The following SEMA5A variants were observed in gnomAD, a reference collection of about 807,000 sequenced individuals.
SEMA5A encodes semaphorin 5A, also known as semaphorin-5A.
SEMA5A carries 55 observed loss-of-function variants against 135.5 expected under a neutral mutation model. That is an observed-to-expected ratio of 0.41 (90% CI 0.33 to 0.51). The LOEUF is 0.51. SEMA5A is among the 20% of genes least tolerant of loss of function. The pLI is 0.37. For missense variants in SEMA5A, 1,290 were observed against 1,419.9 expected, an observed-to-expected ratio of 0.91 and a Z score of 1.47; for synonymous variants, 580 against 546.5, an observed-to-expected ratio of 1.06 and a Z score of -0.85.
intron 2 of SEMA5A, among the ~76,000 whole-genome samples, chr5:9,422,667 G>C (rs1007542165): frequency 6.6e-6 from 1 of 151,992 alleles, no homozygotes; most frequent in African/African-American, 2.4e-5. Flanking sequence ...AAAGTCACAG[G>C]CTTTTTTGTT....
At chr5:9,211,560 C>G (rs1161553926) in intron 8 of SEMA5A, among the ~76,000 whole-genome samples, 1 of 152,126 alleles carries the variant, frequency 6.6e-6, no homozygotes, top group Non-Finnish European at 1.5e-5. Context: ...TGGAGCCCAA[C>G]AAAGTCACGC....
intron 4 of SEMA5A, among the ~76,000 whole-genome samples, chr5:9,330,941 A>G (rs914817463): frequency 1.3e-5 from 2 of 152,192 alleles, no homozygotes; most frequent in Non-Finnish European, 2.9e-5. Flanking sequence ...TTAAGTCATA[A>G]TTAATGTAAA....
At chr5:9,054,490 T>C (rs1297149330) in intron 18 of SEMA5A, among the ~76,000 whole-genome samples, 1 of 152,200 alleles carries the variant, frequency 6.6e-6, no homozygotes, top group Non-Finnish European at 1.5e-5. Context: ...GATTCCTCCC[T>C]ACACTTTTTC....
chr5:9,035,174 T>C lies in SEMA5A; in HGVS notation c.*7723A>G, dbSNP rs1735580735. Reference sequence around the variant, plus strand: ...TCCCTTGTTTTGTTCCCCCCACAAATGGCAGCTAGAGATGGTAAGAAGGGG... The same window carrying C: ...TCCCTTGTTTTGTTCCCCCCACAAACGGCAGCTAGAGATGGTAAGAAGGGG... On this transcript the variant is annotated 3_prime_UTR_variant, in exon 23 of 23. Transcript: ENST00000382496. The C allele has an allele frequency of 6.6e-6, 1 of 152,368 alleles. No homozygotes were observed. The highest frequency in any genetic ancestry group is 2.4e-5 in the African/African-American group (1 of 41,446). The allele number at this position is 152,368 out of a possible 1,614,324, so 9.4% of individuals were successfully genotyped here. A position where few individuals can be genotyped will look rare whatever the true frequency, so the allele number is the denominator to read the frequency against.
At chr5:9,228,937 G>A (rs1009924333) in intron 6 of SEMA5A, among the ~76,000 whole-genome samples, 7 of 152,124 alleles carry the variant, frequency 4.6e-5, no homozygotes, top group East Asian at 1.9e-4. Context: ...TCGAGACAGC[G>A]GAAATGCATA....
At chr5:9,207,812 A>G (rs1746113192) in intron 8 of SEMA5A, among the ~76,000 whole-genome samples, 1 of 152,192 alleles carries the variant, frequency 6.6e-6, no homozygotes, top group African/African-American at 2.4e-5. Context: ...CTGGTAGGCT[A>G]AAGTTCTTTT....
At chr5:9,106,385 C>T (rs1047124303) in intron 16 of SEMA5A, among the ~76,000 whole-genome samples, 1 of 152,134 alleles carries the variant, frequency 6.6e-6, no homozygotes, top group African/African-American at 2.4e-5. Flanking sequence ...ATAGGAACTA[C>T]ATAAAAATGC....
At chr5:9,275,997 A>G (rs1750241753) in intron 5 of SEMA5A, among the ~76,000 whole-genome samples, 3 of 152,226 alleles carry the variant, frequency 2.0e-5, no homozygotes, top group Admixed American at 1.3e-4. Context: ...AGGTTATTCA[A>G]TTAGGAAAAC....
Position 9,154,516 on chromosome 5 carries a change from T to C in SEMA5A, c.1453A>G (p.Lys485Glu). ...LREHVVKIPLKRCQFYRTRST... is the reference protein window; with the variant it reads ...LREHVVKIPLERCQFYRTRST... ...CGTGTGCGGTAGAACTGGCACCTCTTCAGGGGGATCTTGACCACGTGCTCC... is the reference window on the plus strand; with the variant it reads ...CGTGTGCGGTAGAACTGGCACCTCTCCAGGGGGATCTTGACCACGTGCTCC... Residue 485 changes from lysine (K) to glutamate (E), a missense_variant, in exon 12 of 23, where the codon AAG becomes GAG. By Grantham distance (56) the Lys-to-Glu change is moderately conservative. Transcript: ENST00000382496. 1.9e-6 allele frequency: 3 copies of C among 1,612,162 alleles called. No individual in the cohort carries two copies. Among genetic ancestry groups the C allele is most frequent in the Non-Finnish European group, 2.5e-6 (3 of 1,179,968 alleles).
At chr5:9,482,861 G>A (rs535358279) in intron 1 of SEMA5A, among the ~76,000 whole-genome samples, 1 of 152,308 alleles carries the variant, frequency 6.6e-6, no homozygotes, top group Non-Finnish European at 1.5e-5. Flanking sequence ...GACACAGCTG[G>A]ACTTTCCTGA....
intron 1 of SEMA5A, among the ~76,000 whole-genome samples, chr5:9,443,767 T>C (rs953082769): frequency 1.3e-5 from 2 of 152,264 alleles, no homozygotes; most frequent in African/African-American, 4.8e-5. Context: ...GGAGGGCCAG[T>C]TCCTGGCCAT....
chr5:9,049,973 TTATAAA>T (rs1429361993), intron 21 of SEMA5A, among the ~76,000 whole-genome samples: 2 of 152,202 alleles, frequency 1.3e-5, no homozygotes, highest in Non-Finnish European at 2.9e-5. Context: ...TGGATTTGTA[TTATAAA>T]TATAAACAAA....
In SEMA5A at chr5:9,057,057, A is replaced by C. The variant is rs1736931156; in HGVS notation, c.2519-2800T>G. ...ACAAATAATACATTATTCCACTTAG[A>C]TCAGGTATCTAAAATAGTCAAACTC... On this transcript the variant is annotated intron_variant, in intron 18 of 22. Coordinates refer to ENST00000382496, the MANE Select transcript of SEMA5A (RefSeq NM_003966.3). 3.9e-5 allele frequency among the ~76,000 whole-genome samples: 6 copies of C among 152,368 alleles called. No homozygotes were observed. The South Asian group carries it at 1.0e-3, about 26-fold the overall frequency.
intron 5 of SEMA5A, among the ~76,000 whole-genome samples, chr5:9,258,803 C>CTATTTTTTTTTTTTTTTTTTTTTTTTTT (rs1561080210): frequency 2.0e-5 from 1 of 48,984 alleles, no homozygotes; most frequent in African/African-American, 8.4e-5. Flanking sequence ...TTCTTTCTTT[C>CTATTTTTTTTTTTTTTTTTTTTTTTTTT]TTTTTTTTTT....
At chr5:9,253,629 C>G (rs1171272802) in intron 5 of SEMA5A, among the ~76,000 whole-genome samples, 1 of 152,116 alleles carries the variant, frequency 6.6e-6, no homozygotes, top group Non-Finnish European at 1.5e-5. Flanking sequence ...TATGTTCCTA[C>G]TAATACACTA....
At chr5:9,119,270 C>T (rs770445609) in intron 14 of SEMA5A, 129 bp from the exon 15 acceptor site, 1 of 1,114,520 alleles carries the variant, frequency 9.0e-7, no homozygotes, top group Non-Finnish European at 1.3e-6. Flanking sequence ...AGAGAAAACA[C>T]CAGCCAGGGG....
At chr5:9,131,154 A>C (rs1357447591) in intron 13 of SEMA5A, among the ~76,000 whole-genome samples, 1 of 152,202 alleles carries the variant, frequency 6.6e-6, no homozygotes, top group Non-Finnish European at 1.5e-5. Flanking sequence ...TTTACCAAGA[A>C]AAGAGGTTTA....
At chr5:9,215,280 C>T (rs377423010) in intron 8 of SEMA5A, among the ~76,000 whole-genome samples, 34 of 152,234 alleles carry the variant, frequency 2.2e-4, no homozygotes, top group African/African-American at 7.7e-4. Context: ...GAAAGTAAGG[C>T]GTTGTGACTT....
intron 5 of SEMA5A, among the ~76,000 whole-genome samples, chr5:9,267,768 G>T (rs1415498840): frequency 6.6e-6 from 1 of 152,106 alleles, no homozygotes; most frequent in Non-Finnish European, 1.5e-5. Context: ...TCTGGCCGGG[G>T]TGGGCATGGG....
Sources: allele counts gnomAD v4.1 joint callset (sites outside exome capture counted in the v4.1 genomes callset), GRCh38; gene constraint gnomAD v4.1.1; transcripts MANE v1.5; gene names NCBI Gene and HGNC (gene_info 2026-07-23, HGNC 2026-07-21).